REEP1: variants seen among roughly 807,000 people sequenced by gnomAD.
REEP1 encodes the protein receptor expression-enhancing protein 1.
Under a neutral mutation model 40.3 loss-of-function variants are expected in REEP1, and 22 were observed. The ratio of observed to expected loss-of-function variants is 0.55; its 90% CI spans 0.39 to 0.78. The LOEUF is 0.78. Ranked by LOEUF, REEP1 falls within the 30% of genes least tolerant of loss-of-function variation. The pLI is 0.00. For missense variants in REEP1, 280 were observed against 361.1 expected (o/e 0.78, Z 1.82); for synonymous variants, 116 against 139.2 (o/e 0.83, Z 1.17).
chr2:86,281,875 G>C (rs1441248051), intron 2 of REEP1, among the ~76,000 whole-genome samples: 3 of 152,142 alleles, frequency 2.0e-5, no homozygotes, highest in Non-Finnish European at 4.4e-5. Context: ...AATAAATCAA[G>C]GCTGAGAGAG....
At chr2:86,261,168 C>T (rs898085281) in intron 3 of REEP1, among the ~76,000 whole-genome samples, 1 of 152,132 alleles carries the variant, frequency 6.6e-6, no homozygotes, top group African/African-American at 2.4e-5. Flanking sequence ...ACAGAAGAGG[C>T]CCCTAGCACC....
In REEP1 at chr2:86,214,305, C is replaced by CT. The variant is rs1211200501; in HGVS notation, c.*2733dup. On this transcript the variant is annotated 3_prime_UTR_variant, in exon 9 of 9. Coordinates refer to ENST00000538924, the MANE Select transcript of REEP1 (RefSeq NM_001371279.1). The stretch of plus-strand genomic sequence containing the variant: ...AAGATGGTCATGGTTGACAAGCACT[C>CT]TTATCACAAACACATGGATAGCTTA... The CT allele has an allele frequency of 6.5e-6, 1 of 152,694 alleles. No homozygotes were observed. Among genetic ancestry groups the CT allele is most frequent in the Non-Finnish European group, 1.5e-5 (1 of 68,088 alleles). 9.5% of individuals were successfully genotyped at this position (152,694 alleles called of 1,614,324 possible). A position where few individuals can be genotyped will look rare whatever the true frequency, so the allele number is the denominator to read the frequency against.
At chr2:86,241,845 G>C (rs941870979) in intron 5 of REEP1, among the ~76,000 whole-genome samples, 1 of 152,206 alleles carries the variant, frequency 6.6e-6, no homozygotes, top group South Asian at 2.1e-4. Context: ...GGGTGGAAGA[G>C]GAAGAAGAAG....
intron 1 of REEP1, among the ~76,000 whole-genome samples, chr2:86,313,963 C>G (rs1416242415): frequency 2.0e-5 from 3 of 152,232 alleles, no homozygotes; most frequent in African/African-American, 7.2e-5. Context: ...ACACCACAAG[C>G]TAAACAAGCA....
At chr2:86,328,239 C>T (rs1680604300) in intron 1 of REEP1, among the ~76,000 whole-genome samples, 5 of 152,236 alleles carry the variant, frequency 3.3e-5, no homozygotes, top group Admixed American at 2.0e-4. Context: ...TAGCCTCTTT[C>T]TCAAGGTGGG....
chr2:86,311,156 T>C (rs1161323894), intron 1 of REEP1, among the ~76,000 whole-genome samples: 2 of 152,174 alleles, frequency 1.3e-5, no homozygotes, highest in African/African-American at 4.8e-5. Flanking sequence ...ATGGGGTGAC[T>C]GAACACCAAT....
rs138121709 is a variant in REEP1 at position 86,296,384 on chromosome 2, T to C, written c.33-14142A>G. On this transcript the variant is annotated intron_variant, in intron 1 of 8. Coordinates refer to ENST00000538924, the MANE Select transcript of REEP1 (RefSeq NM_001371279.1). ...GGACTAAGGTCACACACCAAGTTTG[T>C]AGCAGAGCCAGAACTAGAATGTGAG... is the stretch of plus-strand genomic sequence containing the variant. Among the ~76,000 whole-genome samples the C allele has an allele frequency of 2.6e-4, 40 of 152,376 alleles. No individual in the cohort carries two copies. In the East Asian group the frequency reaches 7.7e-3, roughly 29 times the overall value.
At chr2:86,264,078 G>C in intron 2 of REEP1, 37 bp from the exon 3 acceptor site, 1 of 1,544,546 alleles carries the variant, frequency 6.5e-7, no homozygotes, top group Non-Finnish European at 9.0e-7. Context: ...GGTAGAAAAG[G>C]TCCAGGAAAA....
At chr2:86,302,701 A>G (rs927027084) in intron 1 of REEP1, among the ~76,000 whole-genome samples, 3 of 152,246 alleles carry the variant, frequency 2.0e-5, no homozygotes, top group Non-Finnish European at 4.4e-5. Context: ...ATAAAGTATT[A>G]ATATATTAAT....
Position 86,232,680 on chromosome 2 carries a change from G to A in REEP1, c.540C>T (p.Gly180=), listed in dbSNP as rs1218144193. The A allele has an allele frequency of 1.2e-6, 2 of 1,612,362 alleles. No homozygotes were observed. The highest frequency in any genetic ancestry group is 1.7e-6 in the Non-Finnish European group (2 of 1,179,994). ...TGGACATCTTAGGCTGGCCGTGTTT[G>A]CCGCTGGCCCGCCCAGACCCCGGTG... ...PPPPGSGRAS[G]KHGQPKMSRS... Residue 180 remains glycine, a synonymous_variant, in exon 6 of 9, where the codon GGC becomes GGT. Coordinates refer to ENST00000538924, the MANE Select transcript of REEP1 (RefSeq NM_001371279.1).
intron 1 of REEP1, among the ~76,000 whole-genome samples, chr2:86,315,231 C>T (rs886856901): frequency 3.9e-5 from 6 of 152,184 alleles, no homozygotes; most frequent in Non-Finnish European, 5.9e-5. Flanking sequence ...CCCTGGGAAG[C>T]ACAGTCCCGT....
chr2:86,269,872 G>C (rs1056809056), intron 2 of REEP1, among the ~76,000 whole-genome samples: 3 of 150,982 alleles, frequency 2.0e-5, no homozygotes, highest in African/African-American at 7.3e-5. Context: ...TCAACAATAA[G>C]AAAACAAACA....
chr2:86,310,537 C>T (rs1045286159), intron 1 of REEP1, among the ~76,000 whole-genome samples: 3 of 152,120 alleles, frequency 2.0e-5, no homozygotes, highest in African/African-American at 7.2e-5. Context: ...GAACATACCC[C>T]TATTATTAAG....
chr2:86,306,954 C>A (rs1679506611), intron 1 of REEP1, among the ~76,000 whole-genome samples: 1 of 151,890 alleles, frequency 6.6e-6, no homozygotes, highest in South Asian at 2.1e-4. Flanking sequence ...CCTGGAATCC[C>A]AGCACTTTGG....
chr2:86,267,075 T>A (rs577341902), intron 2 of REEP1, among the ~76,000 whole-genome samples: 21 of 149,446 alleles, frequency 1.4e-4, no homozygotes, highest in Non-Finnish European at 1.9e-4. Flanking sequence ...ATGAGAGAAT[T>A]GCTTGAGGCC....
intron 1 of REEP1, among the ~76,000 whole-genome samples, chr2:86,313,339 A>G (rs1182139770): frequency 1.5e-5 from 2 of 135,112 alleles, no homozygotes; most frequent in African/African-American, 5.6e-5. Flanking sequence ...AGGTCTTGCT[A>G]TGTTACTAAG....
At chr2:86,329,097 G>A (rs766252963) in intron 1 of REEP1, among the ~76,000 whole-genome samples, 6 of 152,148 alleles carry the variant, frequency 3.9e-5, no homozygotes, top group Non-Finnish European at 8.8e-5. Context: ...AGCTGGAAAG[G>A]GGATACAGTG....
chr2:86,254,566 G>A, intron 4 of REEP1, 128 bp downstream of exon 4: 3 of 937,092 alleles, frequency 3.2e-6, no homozygotes, highest in Non-Finnish European at 5.0e-6. Context: ...AAACGATTAG[G>A]AGGAATGACT....
chr2:86,236,388 A>G (rs568506526), intron 5 of REEP1, among the ~76,000 whole-genome samples: 1 of 152,264 alleles, frequency 6.6e-6, no homozygotes, highest in African/African-American at 2.4e-5. Flanking sequence ...TCTGGGAAGA[A>G]CCACGAGTTG....
Sources: allele counts gnomAD v4.1 joint callset (sites outside exome capture counted in the v4.1 genomes callset), GRCh38; gene constraint gnomAD v4.1.1; transcripts MANE v1.5; gene names NCBI Gene and HGNC (gene_info 2026-07-23, HGNC 2026-07-21).